Variants in ANKRD12 observed in about 807,000 individuals in gnomAD.
ANKRD12 encodes the protein ankyrin repeat domain 12.
A neutral mutation model predicts 183.4 loss-of-function variants in ANKRD12; 85 were observed. That is an observed-to-expected ratio of 0.46 (90% CI 0.39 to 0.56). The LOEUF is 0.56. ANKRD12 is among the 20% of genes least tolerant of loss of function. The probability of loss-of-function intolerance (pLI) is 0.00; values close to 1 mark genes in which losing one functional copy is unlikely to be tolerated. For missense variants in ANKRD12, 2,405 were observed against 2,357.1 expected (o/e 1.02, Z -0.42); for synonymous variants, 914 against 800.2 (o/e 1.14, Z -2.40).
At chr18:9,167,311 A>G (rs1259549283) in intron 1 of ANKRD12, among the ~76,000 whole-genome samples, 1 of 152,208 alleles carries the variant, frequency 6.6e-6, no homozygotes, top group Non-Finnish European at 1.5e-5. Flanking sequence ...CTTGGGCAGT[A>G]TGGCCGTTGT....
At chr18:9,168,619 TATTA>T in intron 1 of ANKRD12, among the ~76,000 whole-genome samples, 1 of 152,300 alleles carries the variant, frequency 6.6e-6, no homozygotes, top group Non-Finnish European at 1.5e-5. Context: ...TTTTCTTCTT[TATTA>T]GTCTTGCTAG....
At chr18:9,237,772 G>A (rs1221785544) in intron 8 of ANKRD12, among the ~76,000 whole-genome samples, 1 of 152,168 alleles carries the variant, frequency 6.6e-6, no homozygotes, top group Non-Finnish European at 1.5e-5. Context: ...AGGCCATTAA[G>A]GAGACGTGTC....
chr18:9,156,137 CA>C (rs34154495), intron 1 of ANKRD12, among the ~76,000 whole-genome samples: 28 of 104,090 alleles, frequency 2.7e-4, no homozygotes, highest in East Asian at 1.1e-3. Flanking sequence ...GACTCTGTCT[CA>C]AAAAAAAAAA....
chr18:9,198,332 G>GA (rs2034963484), intron 3 of ANKRD12, among the ~76,000 whole-genome samples: 1 of 150,848 alleles, frequency 6.6e-6, no homozygotes, highest in Non-Finnish European at 1.5e-5. Context: ...AGAAATACAT[G>GA]AAAAAAATAC....
chr18:9,240,919 T>C (rs1391444421), intron 8 of ANKRD12, among the ~76,000 whole-genome samples: 1 of 152,188 alleles, frequency 6.6e-6, no homozygotes, highest in Non-Finnish European at 1.5e-5. Flanking sequence ...AATTGTACTA[T>C]TATAAATATA....
intron 2 of ANKRD12, among the ~76,000 whole-genome samples, chr18:9,189,282 C>G (rs2034304155): frequency 6.6e-6 from 1 of 152,194 alleles, no homozygotes; most frequent in African/African-American, 2.4e-5. Flanking sequence ...GGTTTGGAAG[C>G]TGCAGAAGAA....
In ANKRD12 at chr18:9,249,945, CTG is replaced by C. The variant is rs200334801; in HGVS notation, c.944-4263_944-4262del. ...AAGAGGGGAGTCATGGTATAACACA[CTG>C]TGAAATCAGACAGAAATACTCTGGG... On this transcript the variant is annotated intron_variant, in intron 8 of 12. Transcript: ENST00000262126. Among the ~76,000 whole-genome samples the C allele has an allele frequency of 2.1e-4, 32 of 152,288 alleles. 1 individual carries two copies. In the East Asian group the frequency reaches 5.8e-3, roughly 28 times the overall value.
rs148325300 is a variant in ANKRD12, at chr18:9,257,559, C to T, written c.4292C>T (p.Thr1431Ile). Residue 1431 changes from threonine to isoleucine, a missense_variant, in exon 9 of 13, where the codon ACC becomes ATC. Thr to Ile is a moderately conservative substitution (Grantham distance 89, BLOSUM62 -1). Around this residue, in one of 7 missense-constraint regions of ANKRD12, gnomAD observed 1,983 missense variants for 1,725.9 expected, o/e 1.15. Coordinates refer to ENST00000262126, the MANE Select transcript of ANKRD12 (RefSeq NM_015208.5). Reference sequence around the variant, plus strand: ...GTTGATAGACTAGAGACATTAAGCACCAGAGACTTTATCTGCCCAAATTCT... The same window carrying T: ...GTTGATAGACTAGAGACATTAAGCATCAGAGACTTTATCTGCCCAAATTCT... Reference protein sequence around the residue: ...MPVDRLETLSTRDFICPNSNI... With the variant: ...MPVDRLETLSIRDFICPNSNI... 6.2e-7 allele frequency: 1 copy of T among 1,614,006 alleles called. No homozygotes were observed.
At chr18:9,166,611 A>G (rs918136656) in intron 1 of ANKRD12, among the ~76,000 whole-genome samples, 4 of 151,894 alleles carry the variant, frequency 2.6e-5, no homozygotes, top group Non-Finnish European at 5.9e-5. Context: ...TAGATTCTGG[A>G]TATTAGCCCT....
Position 9,281,103 on chromosome 18 carries a change from G to C in ANKRD12, c.6166G>C (p.Asp2056His). 1 of 1,613,772 alleles carries C rather than the reference G, an allele frequency of 6.2e-7. No individual in the cohort carries two copies. Among genetic ancestry groups the C allele is most frequent in the Non-Finnish European group, 8.5e-7 (1 of 1,179,900 alleles). Residue 2056 changes from aspartate to histidine, a missense_variant, in exon 13 of 13, where the codon GAC becomes CAC. By Grantham distance (81) the Asp-to-His change is moderately conservative. Around this residue, in one of 7 missense-constraint regions of ANKRD12, gnomAD observed 162 missense variants for 272.2 expected, o/e 0.60. Transcript: ENST00000262126. ...TGTTCCCCTTGTTGATGTTAACGAC[G>C]ACTTTGAATTGACTCCTATATAGCA... is the stretch of plus-strand genomic sequence containing the variant. ...FYVPLVDVND[D>H]FELTPI
chr18:9,138,545 C>CA (rs935283485), intron 1 of ANKRD12, among the ~76,000 whole-genome samples: 2 of 151,730 alleles, frequency 1.3e-5, no homozygotes, highest in South Asian at 2.1e-4. Context: ...AACAAACAAA[C>CA]AAAAAAACAT....
chr18:9,205,380 A>G (rs769831163), intron 4 of ANKRD12, among the ~76,000 whole-genome samples: 5 of 152,156 alleles, frequency 3.3e-5, no homozygotes, highest in Non-Finnish European at 5.9e-5. Flanking sequence ...ACATTTAGTT[A>G]TAAAAACTAA....
intron 8 of ANKRD12, among the ~76,000 whole-genome samples, chr18:9,247,735 T>G (rs2038046664): frequency 6.6e-6 from 1 of 152,172 alleles, no homozygotes; most frequent in Non-Finnish European, 1.5e-5. Context: ...TGATAAATTT[T>G]CCCAGAGTCT....
In ANKRD12 at chr18:9,284,661, GGA is replaced by G. The variant is rs1416045435; in HGVS notation, c.*3537_*3538del. The G allele has an allele frequency of 1.3e-5, 2 of 151,970 alleles. No individual in the cohort carries two copies. The highest frequency in any genetic ancestry group is 2.9e-5 in the Non-Finnish European group (2 of 68,002). 9.4% of individuals were successfully genotyped at this position (151,970 alleles called of 1,614,324 possible). ...TGGGAGCCGTCTTTGTACCTAAAAT[GGA>G]GTTTTTTTTTAAGCCTCCACAGAGA... On this transcript the variant is annotated 3_prime_UTR_variant, in exon 13 of 13. Coordinates refer to ENST00000262126, the MANE Select transcript of ANKRD12 (RefSeq NM_015208.5).
intron 8 of ANKRD12, among the ~76,000 whole-genome samples, chr18:9,240,372 C>A (rs192356662): frequency 3.1e-4 from 47 of 152,182 alleles, no homozygotes; most frequent in African/African-American, 1.0e-3. Flanking sequence ...AAATTCTGTC[C>A]AGCAATAGTG....
chr18:9,237,705 G>A (rs531638870), intron 8 of ANKRD12, among the ~76,000 whole-genome samples: 5 of 152,204 alleles, frequency 3.3e-5, no homozygotes, highest in South Asian at 2.1e-4. Flanking sequence ...GTATGTTTAC[G>A]TACATGTTTG....
At chr18:9,276,856 C>A (rs1305591688) in intron 11 of ANKRD12, among the ~76,000 whole-genome samples, 1 of 152,096 alleles carries the variant, frequency 6.6e-6, no homozygotes, top group Non-Finnish European at 1.5e-5. Flanking sequence ...ACTGGAGAGG[C>A]CACTGAGGGA....
At chr18:9,138,698 A>C (rs1389829234) in intron 1 of ANKRD12, among the ~76,000 whole-genome samples, 1 of 152,190 alleles carries the variant, frequency 6.6e-6, no homozygotes, top group African/African-American at 2.4e-5. Flanking sequence ...AAATGAGGAT[A>C]GTGTCCACCG....
At chr18:9,163,468 G>T (rs1233622366) in intron 1 of ANKRD12, among the ~76,000 whole-genome samples, 1 of 152,034 alleles carries the variant, frequency 6.6e-6, no homozygotes, top group Non-Finnish European at 1.5e-5. Context: ...GTAACATGAT[G>T]CCTCTAGCTT....
Sources: gnomAD v4.1 joint callset for allele counts (sites outside exome capture counted in the v4.1 genomes callset) on GRCh38, gnomAD v4.1.1 for gene constraint, gnomAD v4.1.1 regional missense constraint, MANE v1.5 for transcripts, NCBI Gene and HGNC (gene_info 2026-07-23, HGNC 2026-07-21) for gene names.